Variants in CAGE1 observed in about 807,000 individuals in gnomAD.
CAGE1 encodes the protein cancer-associated gene 1 protein.
CAGE1 carries 66 observed loss-of-function variants against 94.9 expected under a neutral mutation model. That is an observed-to-expected ratio of 0.70 (90% CI 0.57 to 0.85). The LOEUF is 0.85. CAGE1 is among the 40% of genes least tolerant of loss of function. CAGE1 has a pLI of 0.00. For synonymous variants in CAGE1, 319 were observed against 321.0 expected (o/e 0.99, Z 0.07); for missense variants, 865 against 950.4 (o/e 0.91, Z 1.18).
At position 7,373,769 on chromosome 6, in the gene CAGE1, G is replaced by A. The variant is rs1451188818; in HGVS notation, c.1050C>T (p.Phe350=). The A allele has an allele frequency of 6.2e-7, 1 of 1,613,074 alleles. No homozygotes were observed. The highest frequency in any genetic ancestry group is 1.1e-5 in the South Asian group (1 of 91,032). ...LQMKITKQQV[F]IDVINKLKEN... ...CCTTTAGCTTATTGATGACATCAAT[G>A]AACACTTGCTGTTTGGTAATCTTCA... The change falls in exon 5 of 14, where the codon TTC becomes TTT. Residue 350 remains phenylalanine (F), a synonymous_variant. Coordinates refer to ENST00000502583, the MANE Select transcript of CAGE1 (RefSeq NM_001170692.2).
chr6:7,328,873 A>AGT (rs545926619), intron 13 of CAGE1, among the ~76,000 whole-genome samples: 2,468 of 105,338 alleles, frequency 0.023, 36 homozygotes, highest in African/African-American at 0.027. Flanking sequence ...GTATCTTATA[A>AGT]GTGTGTGTGT....
rs1033727551 is a variant in CAGE1 at position 7,362,956 on chromosome 6, A to T, written c.2193+2512T>A. On this transcript the variant is annotated intron_variant, in intron 9 of 13. Transcript: ENST00000502583. The surrounding 1 kb of genome is among the most constrained non-coding windows in gnomAD (Gnocchi z 4.1). ...TGCCATCATATTAATTCACTCATAA[A>T]TACTTTTCAAAATGTAATACTAACA... is the stretch of plus-strand genomic sequence containing the variant. Among the ~76,000 whole-genome samples, 3 of 152,106 alleles carry T rather than the reference A, an allele frequency of 2.0e-5. No individual in the cohort carries two copies. Among genetic ancestry groups the T allele is most frequent in the African/African-American group, 7.2e-5 (3 of 41,412 alleles).
Position 7,339,360 on chromosome 6 carries a change from G to C in CAGE1, c.2370-5270C>G, listed in dbSNP as rs1759083462. ...GCCAAACCTCTTCTGAACTACAGCA[G>C]TCAGTTCCCGAATCCGCCGGCCCTT... On this transcript the variant is annotated intron_variant, in intron 11 of 13. Transcript: ENST00000502583. The surrounding 1 kb of genome is among the most constrained non-coding windows in gnomAD (Gnocchi z 4.7). 1 of 1,608,760 alleles carries C rather than the reference G, an allele frequency of 6.2e-7. No individual in the cohort carries two copies. Among genetic ancestry groups the C allele is most frequent in the Non-Finnish European group, 8.5e-7 (1 of 1,175,880 alleles).
At chr6:7,346,857 CAAAA>C (rs71780305) in intron 11 of CAGE1, among the ~76,000 whole-genome samples, 23,577 of 119,814 alleles carry the variant, frequency 0.2, 3,981 homozygotes, top group African/African-American at 0.49. Flanking sequence ...GACTCTATCT[CAAAA>C]AAAAAAAAAG....
At chr6:7,349,035 C>T (rs1202165249) in intron 11 of CAGE1, among the ~76,000 whole-genome samples, 1 of 152,196 alleles carries the variant, frequency 6.6e-6, no homozygotes, top group African/African-American at 2.4e-5. Context: ...GAGACCGCAA[C>T]ATCCAAATAC....
At position 7,378,835 on chromosome 6, in the gene CAGE1, T is replaced by C. The variant is rs186472261; in HGVS notation, c.469A>G (p.Lys157Glu). 1.2e-6 allele frequency: 2 copies of C among 1,613,102 alleles called. No homozygotes were observed. The highest frequency in any genetic ancestry group is 2.7e-5 in the African/African-American group (2 of 74,910). The change falls in exon 4 of 14, where the codon AAG (lysine) becomes GAG (glutamate). Residue 157 changes from lysine (K) to glutamate (E), a missense_variant. Coordinates refer to ENST00000502583, the MANE Select transcript of CAGE1 (RefSeq NM_001170692.2). The part of the protein sequence containing the change: ...VYNYAKDNNI[K>E]QDSFKEENPM... Reference sequence around the variant, plus strand: ...TTTTCTTCCTTAAATGAGTCTTGCTTTATATTGTTGTCTTTTGCATAATTA... The same window carrying C: ...TTTTCTTCCTTAAATGAGTCTTGCTCTATATTGTTGTCTTTTGCATAATTA...
chr6:7,387,884 A>T (rs1412596395), intron 1 of CAGE1, among the ~76,000 whole-genome samples: 1 of 134,614 alleles, frequency 7.4e-6, no homozygotes, highest in East Asian at 2.3e-4. Context: ...AAAAAAAAAA[A>T]TTAGCTGGGC....
At chr6:7,381,223 C>T (rs1220837711) in intron 3 of CAGE1, among the ~76,000 whole-genome samples, 1 of 152,104 alleles carries the variant, frequency 6.6e-6, no homozygotes, top group Non-Finnish European at 1.5e-5. Context: ...AGTAATTGAG[C>T]TTAAAAGAGG....
Position 7,385,834 on chromosome 6 carries a change from T to C in CAGE1, c.234A>G (p.Glu78=). The C allele has an allele frequency of 6.5e-7, 1 of 1,543,146 alleles. No homozygotes were observed. The highest frequency in any genetic ancestry group is 8.7e-7 in the Non-Finnish European group (1 of 1,143,878). Residue 78 remains glutamate (E), a synonymous_variant, in exon 3 of 14, where the codon GAA becomes GAG. Coordinates refer to ENST00000502583, the MANE Select transcript of CAGE1 (RefSeq NM_001170692.2). ...IKNFERENEY[E]STLCEDAYGT... The stretch of plus-strand genomic sequence containing the variant: ...CATAAGCATCTTCACAAAGTGTGGA[T>C]TCATACTCATTTTCCCTTTCAAAAT...
intron 11 of CAGE1, among the ~76,000 whole-genome samples, chr6:7,344,254 G>A (rs1759315035): frequency 6.6e-6 from 1 of 152,230 alleles, no homozygotes; most frequent in Non-Finnish European, 1.5e-5. Flanking sequence ...TGGGCGTGGC[G>A]CTTGCGGGCC....
At chr6:7,345,377 G>A (rs182792159) in intron 11 of CAGE1, among the ~76,000 whole-genome samples, 14 of 152,166 alleles carry the variant, frequency 9.2e-5, no homozygotes, top group Middle Eastern at 3.4e-3. Flanking sequence ...ACATCAGAAG[G>A]AACAAACGCC....
At chr6:7,331,398 T>C in intron 12 of CAGE1, 1 of 816,236 alleles carries the variant, frequency 1.2e-6, no homozygotes, top group South Asian at 2.1e-5. Context: ...TAGTGCAGGG[T>C]TTCTGGCATA....
In CAGE1 at chr6:7,369,956, C is replaced by G. The variant is rs1319398521; in HGVS notation, c.1856G>C (p.Ser619Thr). 1.2e-5 allele frequency: 20 copies of G among 1,613,658 alleles called. No homozygotes were observed. Among genetic ancestry groups the G allele is most frequent in the Non-Finnish European group, 1.6e-5 (19 of 1,179,826 alleles). ...AAGTCCCACCATCAGAGCCAGAAGA[C>G]TGTGCATTTTGGAGGCCAGCTGAGA... The part of the protein sequence containing the change: ...RASQLASKMH[S>T]LLALMVGLLT... Residue 619 changes from serine to threonine, a missense_variant, in exon 6 of 14, where the codon AGT becomes ACT. Ser to Thr is a moderately conservative substitution (Grantham distance 58, BLOSUM62 1). Coordinates refer to ENST00000502583, the MANE Select transcript of CAGE1 (RefSeq NM_001170692.2).
chr6:7,388,903 T>TCTAAGTTTTGAAA (rs1761233423), intron 1 of CAGE1, among the ~76,000 whole-genome samples: 3 of 152,354 alleles, frequency 2.0e-5, no homozygotes, highest in Non-Finnish European at 4.4e-5. Flanking sequence ...TTCTTAGTTT[T>TCTAAGTTTTGAAA]CTTGTTTGTG....
chr6:7,383,914 C>T (rs943562289), intron 3 of CAGE1, among the ~76,000 whole-genome samples: 1 of 152,020 alleles, frequency 6.6e-6, no homozygotes, highest in Non-Finnish European at 1.5e-5. Flanking sequence ...TTAAGAATTA[C>T]TGTTTTACAT....
chr6:7,330,345 C>T (rs1312427941), intron 12 of CAGE1, among the ~76,000 whole-genome samples: 1 of 152,152 alleles, frequency 6.6e-6, no homozygotes, highest in Non-Finnish European at 1.5e-5. Context: ...TAAGATCGCG[C>T]CATTGCACTG....
Position 7,329,845 on chromosome 6 carries a change from C to T in CAGE1, c.2478+4G>A, listed in dbSNP as rs539010403. On this transcript the variant is annotated splice_donor_region_variant and intron_variant, in intron 13 of 13. Transcript: ENST00000502583. The stretch of plus-strand genomic sequence containing the variant: ...TCTTTATCATGATCATCAAGGTGAC[C>T]TACCATGGTCATGGACTTCGGATGA... 4.0e-5 allele frequency: 55 copies of T among 1,387,732 alleles called. No individual in the cohort carries two copies. In the East Asian group the frequency reaches 1.2e-3, roughly 31 times the overall value. 86.0% of individuals were successfully genotyped at this position (1,387,732 alleles called of 1,614,324 possible).
chr6:7,384,024 A>C lies in CAGE1; in HGVS notation c.283+1761T>G, dbSNP rs1369236110. Reference sequence around the variant, plus strand: ...TTATTAGTTTTAATAGCTCATCTGTAGGTGCTTATGACTTTTCTATGTAGA... The same window carrying C: ...TTATTAGTTTTAATAGCTCATCTGTCGGTGCTTATGACTTTTCTATGTAGA... On this transcript the variant is annotated intron_variant, in intron 3 of 13. Transcript: ENST00000502583. Among the ~76,000 whole-genome samples, 3 of 152,174 alleles carry C rather than the reference A, an allele frequency of 2.0e-5. No homozygotes were observed. The East Asian group carries it at 5.8e-4, about 29-fold the overall frequency.
chr6:7,333,612 T>C (rs199982336), intron 12 of CAGE1, among the ~76,000 whole-genome samples: 1 of 142,192 alleles, frequency 7.0e-6, no homozygotes, highest in Non-Finnish European at 1.5e-5. Flanking sequence ...TTTTTTTTTT[T>C]AAGTATTATC....
Sources: allele counts gnomAD v4.1 joint callset (sites outside exome capture counted in the v4.1 genomes callset), GRCh38; gene constraint gnomAD v4.1.1; non-coding constraint Gnocchi (gnomAD v3.1); transcripts MANE v1.5; gene names NCBI Gene and HGNC (gene_info 2026-07-23, HGNC 2026-07-21).